The following CFAP46 variants were observed in gnomAD, a reference collection of about 807,000 sequenced individuals.
The protein encoded by CFAP46 is cilia- and flagella-associated protein 46.
Under a neutral mutation model 325.7 loss-of-function variants are expected in CFAP46, and 245 were observed. That is an observed-to-expected ratio of 0.75 (90% confidence interval 0.68 to 0.84). The LOEUF (loss-of-function observed/expected upper bound fraction) is 0.84, where lower values mean the gene tolerates loss of function less well. Ranked by LOEUF, CFAP46 falls within the 40% of genes least tolerant of loss-of-function variation. The pLI is 0.00. For synonymous variants in CFAP46, 1,523 were observed against 1,495.9 expected, an observed-to-expected ratio of 1.02 and a Z score of -0.42; for missense variants, 3,346 against 3,543.0, an observed-to-expected ratio of 0.94 and a Z score of 1.41.
intron 25 of CFAP46, among the ~76,000 whole-genome samples, chr10:132,890,019 G>A (rs1230795151): frequency 6.6e-6 from 1 of 152,186 alleles, no homozygotes; most frequent in Non-Finnish European, 1.5e-5. Flanking sequence ...TCTCTGCTAT[G>A]CTCAATTCTA....
At chr10:132,821,439 A>T (rs1223817056) in intron 50 of CFAP46, among the ~76,000 whole-genome samples, 108 of 51,898 alleles carry the variant, frequency 2.1e-3, no homozygotes, top group South Asian at 2.9e-3. Context: ...GTGCTGTGTG[A>T]GTGCTGATGT....
At chr10:132,855,675 G>C (rs1848631128) in intron 39 of CFAP46, among the ~76,000 whole-genome samples, 1 of 152,150 alleles carries the variant, frequency 6.6e-6, no homozygotes, top group African/African-American at 2.4e-5. Context: ...GGCTCATGCA[G>C]CATACATCTG....
chr10:132,904,975 G>A (rs776497776), intron 22 of CFAP46, among the ~76,000 whole-genome samples: 24 of 152,176 alleles, frequency 1.6e-4, no homozygotes, highest in South Asian at 2.1e-4. Context: ...TGGCACCTAC[G>A]ACGTCACGCC....
At chr10:132,912,578 T>TTTCC (rs1849566049) in intron 19 of CFAP46, 77 bp downstream of exon 19, 5 of 1,401,002 alleles carry the variant, frequency 3.6e-6, no homozygotes, top group African/African-American at 3.3e-5. Context: ...CTTTCACCTC[T>TTTCC]CCTCTCCTCT....
At chr10:132,868,465 C>G (rs554460845) in intron 33 of CFAP46, among the ~76,000 whole-genome samples, 26 of 149,380 alleles carry the variant, frequency 1.7e-4, no homozygotes, top group African/African-American at 6.3e-4. Context: ...AGATAACTCA[C>G]GGTGCACAGA....
At chr10:132,879,834 C>T (rs1286767988) in intron 28 of CFAP46, among the ~76,000 whole-genome samples, 3 of 152,160 alleles carry the variant, frequency 2.0e-5, no homozygotes, top group African/African-American at 4.8e-5. Context: ...GCTGCCCCCT[C>T]ACCCCCAGGG....
rs767746479 is a variant in CFAP46, at chr10:132,847,351, CT to C, written c.5953-31del. The C allele has an allele frequency of 9.3e-5, 149 of 1,609,998 alleles. 1 individual carries two copies. The highest frequency in any genetic ancestry group is 2.2e-4 in the East Asian group (10 of 44,750). On this transcript the variant is annotated intron_variant, in intron 41 of 57. Transcript: ENST00000368586. This position sits in a 1 kb window ranked among gnomAD's most constrained non-coding sequence, Gnocchi z 5.2. ...GACACACATTGCAGGTTGGCAGACA[CT>C]TCTGGGTTCCTGCTTGGTCGGCGTG...
chr10:132,938,114 G>A (rs961427935), intron 5 of CFAP46, among the ~76,000 whole-genome samples: 16 of 152,182 alleles, frequency 1.1e-4, no homozygotes, highest in African/African-American at 2.9e-4. Context: ...CACAGTGACC[G>A]AAGCATTGGT....
intron 9 of CFAP46, chr10:132,929,172 T>G: frequency 3.2e-6 from 1 of 313,578 alleles, no homozygotes; most frequent in Non-Finnish European, 5.9e-6. Flanking sequence ...TACGATAAAC[T>G]TCAATTTCTA....
intron 21 of CFAP46, 84 bp from the exon 22 acceptor site, chr10:132,908,718 G>GC: frequency 7.0e-7 from 1 of 1,422,084 alleles, no homozygotes; most frequent in Non-Finnish European, 9.3e-7. Context: ...ACCACGCAGC[G>GC]CATGTGATCC....
At chr10:132,819,857 A>T (rs1433381542) in intron 50 of CFAP46, among the ~76,000 whole-genome samples, 1 of 152,238 alleles carries the variant, frequency 6.6e-6, no homozygotes. Flanking sequence ...ATAACATTGA[A>T]ATCATAAGCA....
At chr10:132,878,462 G>A (rs1848990047) in intron 29 of CFAP46, among the ~76,000 whole-genome samples, 1 of 152,162 alleles carries the variant, frequency 6.6e-6, no homozygotes, top group Non-Finnish European at 1.5e-5. Flanking sequence ...AGGACGCTAG[G>A]CACGCCTCCT....
intron 50 of CFAP46, among the ~76,000 whole-genome samples, chr10:132,820,344 TG>T (rs762746566): frequency 6.6e-6 from 1 of 152,154 alleles, no homozygotes; most frequent in Admixed American, 6.5e-5. Flanking sequence ...TGACGGGGGC[TG>T]GGGGAGGGAG....
intron 50 of CFAP46, among the ~76,000 whole-genome samples, chr10:132,822,805 ATGT>A (rs1847902524): frequency 2.2e-5 from 2 of 91,368 alleles, no homozygotes; most frequent in Non-Finnish European, 4.1e-5. Flanking sequence ...GTGTGTGCTG[ATGT>A]GTGCTGTGTG....
intron 8 of CFAP46, among the ~76,000 whole-genome samples, chr10:132,932,691 C>T (rs767964522): frequency 6.6e-6 from 1 of 152,264 alleles, no homozygotes; most frequent in Non-Finnish European, 1.5e-5. Flanking sequence ...TGCCGCCAAC[C>T]GCACCTGCAG....
In CFAP46 at chr10:132,883,196, C is replaced by G. The variant is rs985148462; in HGVS notation, c.3627+1907G>C. Among the ~76,000 whole-genome samples, 71 of 152,186 alleles carry G rather than the reference C, an allele frequency of 4.7e-4. 2 individuals carry two copies. The highest frequency in any genetic ancestry group is 4.6e-3 in the Admixed American group (70 of 15,282). ...GAAAGTGGAGACGTGGCTGAAAAAGCAGCTCACAGAACGAGAAAGGGTTTG... is the reference window on the plus strand; with the variant it reads ...GAAAGTGGAGACGTGGCTGAAAAAGGAGCTCACAGAACGAGAAAGGGTTTG... On this transcript the variant is annotated intron_variant, in intron 27 of 57. Coordinates refer to ENST00000368586, the MANE Select transcript of CFAP46 (RefSeq NM_001200049.3).
chr10:132,914,981 G>A (rs558721928), intron 17 of CFAP46, among the ~76,000 whole-genome samples: 12 of 152,366 alleles, frequency 7.9e-5, no homozygotes, highest in South Asian at 2.1e-4. Flanking sequence ...CCGTCACACC[G>A]AGCGCAGGGC....
rs1848981936 is a variant in CFAP46, at chr10:132,878,024, G to A, written c.4069C>T (p.His1357Tyr). 2 of 1,546,006 alleles carry A rather than the reference G, an allele frequency of 1.3e-6. No homozygotes were observed. The highest frequency in any genetic ancestry group is 2.4e-5 in the South Asian group (2 of 82,824). ...TTCTCTTTTTTAGGCAATAACAGAT[G>A]TGAGCTGGTTGCTGCCAGGGGTCTG... ...ENRPLAATSS[H>Y]LLLPKKEKEN... Residue 1357 changes from histidine to tyrosine, a missense_variant, in exon 30 of 58, where the codon CAT becomes TAT. By Grantham distance (83) the His-to-Tyr change is moderately conservative (BLOSUM62 2). Transcript: ENST00000368586.
chr10:132,871,708 T>C (rs1398437478), intron 32 of CFAP46, among the ~76,000 whole-genome samples: 1 of 152,250 alleles, frequency 6.6e-6, no homozygotes, highest in African/African-American at 2.4e-5. Flanking sequence ...TTGCCTCTTA[T>C]GGATGAGCAG....
Sources: gnomAD v4.1 joint callset for allele counts (sites outside exome capture counted in the v4.1 genomes callset) on GRCh38, gnomAD v4.1.1 for gene constraint, Gnocchi (gnomAD v3.1) non-coding constraint, MANE v1.5 for transcripts, NCBI Gene and HGNC (gene_info 2026-07-23, HGNC 2026-07-21) for gene names.